OPTN: variants seen among roughly 807,000 people sequenced by gnomAD.
OPTN encodes the protein E3-14.7K-interacting protein.
A neutral mutation model predicts 70.4 loss-of-function variants in OPTN; 54 were observed. That is an observed-to-expected ratio of 0.77 (90% CI 0.62 to 0.96). The LOEUF is 0.96. OPTN is among the 40% of genes least tolerant of loss of function. OPTN has a pLI of 0.00. For synonymous variants in OPTN, 256 were observed against 248.5 expected, an observed-to-expected ratio of 1.03 and a Z score of -0.28; for missense variants, 624 against 673.2, an observed-to-expected ratio of 0.93 and a Z score of 0.81.
At position 13,137,225 on chromosome 10, in the gene OPTN, G is replaced by A. The variant is rs1833719108; in HGVS notation, c.*359G>A. The A allele has an allele frequency of 2.5e-6, 1 of 406,170 alleles. No individual in the cohort carries two copies. The highest frequency in any genetic ancestry group is 4.7e-6 in the Non-Finnish European group (1 of 213,850). 25.2% of individuals were successfully genotyped at this position (406,170 alleles called of 1,614,324 possible). ...ACCCAGGAAGTGGCAGTTGCAGTGA[G>A]CCGAGACGACACCACTGCACTCCAG... On this transcript the variant is annotated 3_prime_UTR_variant, in exon 15 of 15. Coordinates refer to ENST00000378747, the MANE Select transcript of OPTN (RefSeq NM_001008212.2).
At position 13,137,071 on chromosome 10, in the gene OPTN, G is replaced by A. The variant is rs1455230491; in HGVS notation, c.*205G>A. Reference sequence around the variant, plus strand: ...GAGGTGGGTGGATCACTTGGGGTCAGGGTTTGAGACCAGCCTGGCCAACAT... The same window carrying A: ...GAGGTGGGTGGATCACTTGGGGTCAAGGTTTGAGACCAGCCTGGCCAACAT... On this transcript the variant is annotated 3_prime_UTR_variant, in exon 15 of 15. Coordinates refer to ENST00000378747, the MANE Select transcript of OPTN (RefSeq NM_001008212.2). 1 of 612,486 alleles carries A rather than the reference G, an allele frequency of 1.6e-6. No individual in the cohort carries two copies. The highest frequency in any genetic ancestry group is 1.7e-5 in the South Asian group (1 of 57,222). The allele number at this position is 612,486 out of a possible 1,614,324, so 37.9% of individuals were successfully genotyped here. A position where few individuals can be genotyped will look rare whatever the true frequency, so the allele number is the denominator to read the frequency against.
intron 4 of OPTN, among the ~76,000 whole-genome samples, chr10:13,111,527 A>G (rs898608208): frequency 2.9e-4 from 34 of 117,158 alleles, no homozygotes; most frequent in African/African-American, 7.7e-4. Context: ...GCGAAACCCC[A>G]TCTCTACTAA....
chr10:13,136,976 T>C lies in OPTN; in HGVS notation c.*110T>C. ...ACTCAAATATTTTGCCTCATTATTC[T>C]TGTTTTAAAAGAAAGAAAACAGGCC... On this transcript the variant is annotated 3_prime_UTR_variant, in exon 15 of 15. Transcript: ENST00000378747. The C allele has an allele frequency of 6.8e-7, 1 of 1,470,648 alleles. No homozygotes were observed. The highest frequency in any genetic ancestry group is 9.4e-7 in the Non-Finnish European group (1 of 1,059,980). The allele number at this position is 1,470,648 out of a possible 1,614,324, so 91.1% of individuals were successfully genotyped here.
intron 12 of OPTN, among the ~76,000 whole-genome samples, chr10:13,128,502 CTTT>C (rs56147136): frequency 0.03 from 983 of 32,442 alleles, 28 homozygotes; most frequent in South Asian, 0.044. Context: ...TCAAGCCTGC[CTTT>C]TTTTTTTTTT....
At chr10:13,131,072 A>G (rs1428499208) in intron 12 of OPTN, among the ~76,000 whole-genome samples, 1 of 152,056 alleles carries the variant, frequency 6.6e-6, no homozygotes, top group Non-Finnish European at 1.5e-5. Context: ...AGTGCATGCC[A>G]TCATGCCCAG....
rs377204686 is a variant in OPTN, at chr10:13,114,102, G to A, written c.552+1467G>A. Among the ~76,000 whole-genome samples, 14 of 151,974 alleles carry A rather than the reference G, an allele frequency of 9.2e-5. 2 individuals are homozygous for A. The highest frequency in any genetic ancestry group is 3.9e-4 in the Admixed American group (6 of 15,238). ...AAAAAAAGAAAAGAAAAAAAATTGT[G>A]TCCTTGGAAGAGAAAAATGTACATT... On this transcript the variant is annotated intron_variant, in intron 5 of 14. Transcript: ENST00000378747.
intron 5 of OPTN, among the ~76,000 whole-genome samples, chr10:13,115,520 T>TTCTATTA (rs1554769218): frequency 9.6e-6 from 1 of 103,886 alleles, no homozygotes; most frequent in African/African-American, 4.4e-5. Context: ...ATATAATATA[T>TTCTATTA]TCTATAATAT....
Position 13,126,016 on chromosome 10 carries a change from A to C in OPTN, c.1219A>C (p.Ile407Leu). ...AGAACATAATAATGCATTGAAAACA[A>C]TTGAGGAACTAACAAGAAAAGAGGT... is the stretch of plus-strand genomic sequence containing the variant. ...LQEHNNALKT[I>L]EELTRKESEK... is the part of the protein sequence containing the mutation. Residue 407 changes from isoleucine (I) to leucine (L), a missense_variant, in exon 11 of 15, where the codon ATT (isoleucine) becomes CTT (leucine). By Grantham distance (5) the Ile-to-Leu change is conservative. Coordinates refer to ENST00000378747, the MANE Select transcript of OPTN (RefSeq NM_001008212.2). 6.2e-7 allele frequency: 1 copy of C among 1,610,458 alleles called. No homozygotes were observed. The highest frequency in any genetic ancestry group is 8.5e-7 in the Non-Finnish European group (1 of 1,176,768).
chr10:13,102,725 T>C (rs867813802), intron 1 of OPTN, among the ~76,000 whole-genome samples: 9 of 152,180 alleles, frequency 5.9e-5, no homozygotes, highest in Middle Eastern at 3.4e-3. Flanking sequence ...GGTGGATCAC[T>C]TGAGATCAGG....
In OPTN at chr10:13,127,888, C is replaced by G; in HGVS notation, c.1386C>G (p.Thr462=). The G allele has an allele frequency of 6.2e-7, 1 of 1,614,136 alleles. No individual in the cohort carries two copies. The highest frequency in any genetic ancestry group is 8.5e-7 in the Non-Finnish European group (1 of 1,180,036). The part of the protein sequence containing the change: ...AKQEEDLETM[T]ILRAQMEVYC... ...AGGAAGAGGACCTGGAAACCATGAC[C>G]ATCCTCAGGGCTCAGGTGAGGCACC... Residue 462 remains threonine (T), a synonymous_variant, in exon 12 of 15, where the codon ACC becomes ACG. Coordinates refer to ENST00000378747, the MANE Select transcript of OPTN (RefSeq NM_001008212.2).
chr10:13,113,758 G>C (rs1381818675), intron 5 of OPTN, among the ~76,000 whole-genome samples: 1 of 152,130 alleles, frequency 6.6e-6, no homozygotes, highest in African/African-American at 2.4e-5. Flanking sequence ...GTACATATCT[G>C]ATACAGGAAA....
At chr10:13,111,649 G>T (rs997395699) in intron 4 of OPTN, among the ~76,000 whole-genome samples, 2 of 151,842 alleles carry the variant, frequency 1.3e-5, no homozygotes, top group Non-Finnish European at 2.9e-5. Context: ...AGTAAGCTGA[G>T]ATCGCGCCAT....
rs751915907 is a variant in OPTN, at chr10:13,122,377, T to A, written c.780-8T>A. ...AAAGTAACTTTTCTATCTTCTGTGA[T>A]TTTCCAGAGTTTCAGATTTTGAAAA... is the stretch of plus-strand genomic sequence containing the variant. On this transcript the variant is annotated splice_polypyrimidine_tract_variant and splice_region_variant and intron_variant, in intron 7 of 14. Transcript: ENST00000378747. 6.3e-7 allele frequency: 1 copy of A among 1,598,190 alleles called. No individual in the cohort carries two copies. Among genetic ancestry groups the A allele is most frequent in the Non-Finnish European group, 8.6e-7 (1 of 1,165,468 alleles).
At chr10:13,107,640 C>G (rs1317410663) in intron 1 of OPTN, among the ~76,000 whole-genome samples, 1 of 151,966 alleles carries the variant, frequency 6.6e-6, no homozygotes. Context: ...CTCAGCCTCC[C>G]AAAGTGCTGG....
chr10:13,126,973 G>A (rs1434172051), intron 11 of OPTN, among the ~76,000 whole-genome samples: 1 of 152,132 alleles, frequency 6.6e-6, no homozygotes, highest in African/African-American at 2.4e-5. Context: ...GCAGTGAGCT[G>A]TGATCACGCC....
chr10:13,101,562 T>C (rs1338683011), intron 1 of OPTN, among the ~76,000 whole-genome samples: 1 of 152,082 alleles, frequency 6.6e-6, no homozygotes, highest in Non-Finnish European at 1.5e-5. Flanking sequence ...ATTTGATATA[T>C]GTTCTTTGGA....
chr10:13,118,640 C>T (rs932673045), intron 6 of OPTN, among the ~76,000 whole-genome samples: 24 of 152,160 alleles, frequency 1.6e-4, no homozygotes, highest in African/African-American at 5.6e-4. Flanking sequence ...GTTTGGAGGA[C>T]GTGGGTGTGT....
intron 5 of OPTN, among the ~76,000 whole-genome samples, chr10:13,114,150 G>A (rs1419902870): frequency 6.6e-6 from 1 of 152,032 alleles, no homozygotes; most frequent in Non-Finnish European, 1.5e-5. Context: ...GGAGGAGTGG[G>A]GAACAACTTG....
intron 4 of OPTN, among the ~76,000 whole-genome samples, chr10:13,111,503 G>C (rs191226491): frequency 4.6e-5 from 7 of 151,224 alleles, no homozygotes; most frequent in African/African-American, 1.7e-4. Context: ...TTCGAGACCA[G>C]CCTGGCCAAC....
Sources: allele counts gnomAD v4.1 joint callset (sites outside exome capture counted in the v4.1 genomes callset), GRCh38; gene constraint gnomAD v4.1.1; transcripts MANE v1.5; gene names NCBI Gene and HGNC (gene_info 2026-07-23, HGNC 2026-07-21).